The following TWSG1 variants were observed in gnomAD, a reference collection of about 807,000 sequenced individuals.
The protein encoded by TWSG1 is twisted gastrulation protein homolog 1.
TWSG1 carries 15 observed loss-of-function variants against 23.0 expected under a neutral mutation model. The observed-to-expected ratio is 0.65, with a 90% CI of 0.44 to 1.00. The LOEUF (loss-of-function observed/expected upper bound fraction) is 1.00. Among genes scored for constraint, TWSG1 ranks in the 50% least tolerant of loss-of-function variants. TWSG1 has a pLI of 0.00. For missense variants in TWSG1, 242 were observed against 278.7 expected (o/e 0.87, Z 0.94); for synonymous variants, 86 against 92.8 (o/e 0.93, Z 0.42).
intron 2 of TWSG1, among the ~76,000 whole-genome samples, chr18:9,349,878 A>G (rs1031098402): frequency 4.6e-5 from 7 of 152,290 alleles, no homozygotes; most frequent in African/African-American, 1.7e-4. Context: ...GCAGTGGCTC[A>G]CGCCTGTAAT....
chr18:9,377,305 G>A (rs796361330), intron 3 of TWSG1, among the ~76,000 whole-genome samples: 6 of 151,398 alleles, frequency 4.0e-5, no homozygotes, highest in East Asian at 2.0e-4. Context: ...TGCAACCTCC[G>A]CCTCCCGGGT....
chr18:9,396,583 C>A, intron 4 of TWSG1, 37 bp downstream of exon 4: 1 of 1,594,816 alleles, frequency 6.3e-7, no homozygotes, highest in Non-Finnish European at 8.5e-7. Context: ...ATTCCGCCCC[C>A]TCATGTGGTC....
At chr18:9,388,468 A>G (rs1241649764) in intron 3 of TWSG1, 1 of 152,242 alleles carries the variant, frequency 6.6e-6, no homozygotes, top group African/African-American at 2.4e-5. Flanking sequence ...TGTATGAGAC[A>G]AGGCTGCATT....
chr18:9,395,506 T>C (rs554993577), intron 3 of TWSG1, among the ~76,000 whole-genome samples: 1 of 152,308 alleles, frequency 6.6e-6, no homozygotes, highest in South Asian at 2.1e-4. Context: ...ATCATTCCCT[T>C]CTCTTGTATT....
chr18:9,396,559 A>C lies in TWSG1; in HGVS notation c.490+13A>C. ...TCCAGTGACAAAGGTAACTGCCAAC[A>C]GTTGACTTTTTCCATTCCGCCCCCT... On this transcript the variant is annotated intron_variant, in intron 4 of 4. Transcript: ENST00000262120. 1 of 1,606,356 alleles carries C rather than the reference A, an allele frequency of 6.2e-7. No individual in the cohort carries two copies. The highest frequency in any genetic ancestry group is 8.5e-7 in the Non-Finnish European group (1 of 1,178,342).
intron 2 of TWSG1, among the ~76,000 whole-genome samples, chr18:9,338,270 C>G (rs1338643365): frequency 6.6e-6 from 1 of 152,198 alleles, no homozygotes; most frequent in Non-Finnish European, 1.5e-5. Flanking sequence ...TGGAATTCTA[C>G]TTGCCCCCAT....
At chr18:9,374,559 T>C (rs975646496) in intron 3 of TWSG1, among the ~76,000 whole-genome samples, 1 of 152,200 alleles carries the variant, frequency 6.6e-6, no homozygotes, top group Non-Finnish European at 1.5e-5. Flanking sequence ...AAAGAGAAAG[T>C]ACCAGACCCA....
intron 3 of TWSG1, among the ~76,000 whole-genome samples, chr18:9,385,778 C>A (rs1598833604): frequency 4.6e-5 from 7 of 150,572 alleles, no homozygotes; most frequent in Admixed American, 4.6e-4. Context: ...TAAAAGAAAT[C>A]TTTTAAAAAC....
rs79405459 is a variant in TWSG1, at chr18:9,397,494, A to G, written c.490+948A>G. On this transcript the variant is annotated intron_variant, in intron 4 of 4. Coordinates refer to ENST00000262120, the MANE Select transcript of TWSG1 (RefSeq NM_020648.6). ...TTTAAGAGCATTTATTAGTGAAGAT[A>G]GGTCATATCATAATTTTGGAATGTA... Among the ~76,000 whole-genome samples, 507 of 152,374 alleles carry G rather than the reference A, an allele frequency of 3.3e-3. 16 individuals are homozygous for G. In the East Asian group the frequency reaches 0.082, roughly 24 times the overall value.
intron 2 of TWSG1, among the ~76,000 whole-genome samples, chr18:9,339,352 C>T (rs1161739966): frequency 1.3e-5 from 2 of 152,094 alleles, no homozygotes; most frequent in African/African-American, 4.8e-5. Flanking sequence ...TCTATTACAG[C>T]TTACTACAGC....
At chr18:9,372,168 T>G (rs1809081007) in intron 3 of TWSG1, among the ~76,000 whole-genome samples, 1 of 151,774 alleles carries the variant, frequency 6.6e-6, no homozygotes, top group South Asian at 2.1e-4. Context: ...ATTATATATT[T>G]GTATATACAG....
At chr18:9,346,615 A>G (rs2040478557) in intron 2 of TWSG1, among the ~76,000 whole-genome samples, 1 of 152,140 alleles carries the variant, frequency 6.6e-6, no homozygotes, top group African/African-American at 2.4e-5. Context: ...AAAGAAAAAA[A>G]AAGTCTTGAG....
intron 2 of TWSG1, among the ~76,000 whole-genome samples, chr18:9,346,952 T>A (rs1001499003): frequency 6.6e-6 from 1 of 152,226 alleles, no homozygotes; most frequent in Non-Finnish European, 1.5e-5. Flanking sequence ...CTACCAGCAA[T>A]GAATGAGAGT....
At chr18:9,397,566 G>T (rs773669291) in intron 4 of TWSG1, among the ~76,000 whole-genome samples, 3 of 152,112 alleles carry the variant, frequency 2.0e-5, no homozygotes, top group African/African-American at 7.2e-5. Context: ...TTGACAAAAG[G>T]CACCATATAA....
chr18:9,357,979 G>T (rs987607665), intron 2 of TWSG1, among the ~76,000 whole-genome samples: 2 of 152,056 alleles, frequency 1.3e-5, no homozygotes, highest in African/African-American at 4.8e-5. Flanking sequence ...AGGACATGGG[G>T]GAATAAAAAT....
chr18:9,384,836 G>A (rs963228570), intron 3 of TWSG1, among the ~76,000 whole-genome samples: 1 of 151,970 alleles, frequency 6.6e-6, no homozygotes, highest in South Asian at 2.1e-4. Context: ...AGTAGAGATG[G>A]GATTTCACCC....
chr18:9,391,180 G>A (rs1229360046), intron 3 of TWSG1, among the ~76,000 whole-genome samples: 4 of 152,144 alleles, frequency 2.6e-5, no homozygotes. Context: ...TCATCCATAA[G>A]AAGCAACTCC....
At chr18:9,348,404 C>G (rs1357540671) in intron 2 of TWSG1, among the ~76,000 whole-genome samples, 2 of 152,100 alleles carry the variant, frequency 1.3e-5, no homozygotes, top group Non-Finnish European at 2.9e-5. Context: ...TTAACTGGGG[C>G]CCTGGACCTC....
At chr18:9,365,680 AAAAAAG>A (rs930780566) in intron 3 of TWSG1, among the ~76,000 whole-genome samples, 2 of 151,766 alleles carry the variant, frequency 1.3e-5, no homozygotes, top group South Asian at 2.1e-4. Flanking sequence ...TTAACTCAAA[AAAAAAG>A]AAAAAGAAAA....
Sources: gnomAD v4.1 joint callset for allele counts (sites outside exome capture counted in the v4.1 genomes callset) on GRCh38, gnomAD v4.1.1 for gene constraint, MANE v1.5 for transcripts, NCBI Gene and HGNC (gene_info 2026-07-23, HGNC 2026-07-21) for gene names.